The following ADAMTS7 variants were observed in gnomAD, a reference collection of about 807,000 sequenced individuals.
ADAMTS7 encodes the protein A disintegrin and metalloproteinase with thrombospondin motifs 7.
Under a neutral mutation model 172.6 loss-of-function variants are expected in ADAMTS7, and 89 were observed. The ratio of observed to expected loss-of-function variants is 0.52; its 90% CI spans 0.43 to 0.61. ADAMTS7 has a LOEUF of 0.61. Ranked by LOEUF, ADAMTS7 falls within the 20% of genes least tolerant of loss-of-function variation. The pLI is 0.00. For missense variants in ADAMTS7, 1,973 were observed against 2,355.6 expected, an observed-to-expected ratio of 0.84 and a Z score of 3.36; for synonymous variants, 885 against 978.4, an observed-to-expected ratio of 0.90 and a Z score of 1.78.
intron 1 of ADAMTS7, among the ~76,000 whole-genome samples, chr15:78,804,820 A>T (rs1050888023): frequency 3.2e-4 from 49 of 152,314 alleles, no homozygotes; most frequent in Non-Finnish European, 1.5e-4. Context: ...CAGACCTCAC[A>T]GATGAATTTC....
At chr15:78,761,803 A>G in intron 23 of ADAMTS7, 1 of 982,600 alleles carries the variant, frequency 1.0e-6, no homozygotes, top group South Asian at 4.7e-5. Context: ...GGGTGTCCAG[A>G]ACCACCTCTA....
At position 78,777,503 on chromosome 15, in the gene ADAMTS7, C is replaced by A; in HGVS notation, c.1408G>T (p.Val470Leu). The A allele has an allele frequency of 6.2e-7, 1 of 1,612,552 alleles. No homozygotes were observed. Among genetic ancestry groups the A allele is most frequent in the Non-Finnish European group, 8.5e-7 (1 of 1,179,426 alleles). ...TACTGGAGGCGGCACTGGTGGCTTA[C>A]ATCATAGAGGACGCCAGGTGGCACC... ...PSVPPGVLYDVSHQCRLQYGA... is the reference protein window; with the variant it reads ...PSVPPGVLYDLSHQCRLQYGA... The change falls in exon 9 of 24, where the codon GTA becomes TTA. Residue 470 changes from valine to leucine, a missense_variant. By Grantham distance (32) the Val-to-Leu change is conservative (BLOSUM62 1). This residue lies in a region of ADAMTS7 where 526 missense variants were observed against 662.9 expected (regional missense o/e 0.79). Transcript: ENST00000388820.
intron 22 of ADAMTS7, 87 bp downstream of exon 22, chr15:78,763,612 C>G: frequency 6.9e-7 from 1 of 1,446,240 alleles, no homozygotes; most frequent in Non-Finnish European, 9.1e-7. Flanking sequence ...GCTCACAGCA[C>G]ACACTCCACA....
intron 1 of ADAMTS7, among the ~76,000 whole-genome samples, chr15:78,804,008 A>C (rs1350616074): frequency 6.6e-6 from 1 of 152,126 alleles, no homozygotes; most frequent in Non-Finnish European, 1.5e-5. Context: ...TGTGGACCCC[A>C]GGTTAGGACA....
chr15:78,766,716 G>A lies in ADAMTS7; in HGVS notation c.3195C>T (p.Tyr1065=), dbSNP rs530479889. 85 of 1,610,842 alleles carry A rather than the reference G, an allele frequency of 5.3e-5. No homozygotes were observed. Among genetic ancestry groups the A allele is most frequent in the South Asian group, 4.9e-4 (45 of 90,994 alleles). ...CGTGGAAATTGATGAAATTGTAGTCGTAGTAGAAGTCGTCCACAAACACGG... is the reference window on the plus strand; with the variant it reads ...CGTGGAAATTGATGAAATTGTAGTCATAGTAGAAGTCGTCCACAAACACGG... ...PGPVFVDDFY[Y]DYNFINFHED... Residue 1065 remains tyrosine, a synonymous_variant, in exon 19 of 24, where the codon TAC becomes TAT. Transcript: ENST00000388820.
intron 23 of ADAMTS7, among the ~76,000 whole-genome samples, chr15:78,761,413 C>G (rs559272269): frequency 6.6e-5 from 10 of 152,314 alleles, no homozygotes; most frequent in African/African-American, 2.2e-4. Flanking sequence ...CTTAGACTGG[C>G]AGGGTCAGCC....
At chr15:78,780,637 G>A (rs1188731541) in intron 8 of ADAMTS7, among the ~76,000 whole-genome samples, 2 of 151,898 alleles carry the variant, frequency 1.3e-5, no homozygotes, top group Non-Finnish European at 2.9e-5. Context: ...AGTTCTTCAG[G>A]TCAACCCTCT....
intron 8 of ADAMTS7, among the ~76,000 whole-genome samples, chr15:78,779,580 T>G (rs1431686958): frequency 1.3e-5 from 2 of 152,164 alleles, no homozygotes; most frequent in South Asian, 2.1e-4. Flanking sequence ...CAAGTGCTCC[T>G]GCGGCTTGGG....
rs202225389 is a variant in ADAMTS7, at chr15:78,789,651, C to T, written c.1178+38G>A. 7 of 1,610,030 alleles carry T rather than the reference C, an allele frequency of 4.3e-6. No individual in the cohort carries two copies. The Admixed American group carries it at 1.0e-4, about 23-fold the overall frequency. ...GTGCCCCCAGGCTGCGAGGGTGAAG[C>T]TCGGCTCTCAGTGTAGCAATGGGGG... On this transcript the variant is annotated intron_variant, in intron 7 of 23. Coordinates refer to ENST00000388820, the MANE Select transcript of ADAMTS7 (RefSeq NM_014272.5).
At chr15:78,762,613 A>T (rs1334766308) in intron 22 of ADAMTS7, 48 bp from the exon 23 acceptor site, 2 of 1,227,532 alleles carry the variant, frequency 1.6e-6, no homozygotes, top group South Asian at 3.6e-5. Flanking sequence ...CAGCCCTAGC[A>T]GTGGGGGCAG....
Position 78,782,423 on chromosome 15 carries a change from C to T in ADAMTS7, c.1323-4835G>A, listed in dbSNP as rs545437025. ...CCCTCTTCCACTGGAGGCCAGCATC[C>T]TTGCTCTTACATCCCTAATGGACCT... On this transcript the variant is annotated intron_variant, in intron 8 of 23. Coordinates refer to ENST00000388820, the MANE Select transcript of ADAMTS7 (RefSeq NM_014272.5). 5.9e-5 allele frequency among the ~76,000 whole-genome samples: 8 copies of T among 134,718 alleles called. No homozygotes were observed. The South Asian group carries it at 1.5e-3, about 26-fold the overall frequency. 88.4% of individuals were successfully genotyped at this position (134,718 alleles called of 152,430 possible).
chr15:78,778,362 C>T lies in ADAMTS7; in HGVS notation c.1323-774G>A, dbSNP rs144761408. On this transcript the variant is annotated intron_variant, in intron 8 of 23. Coordinates refer to ENST00000388820, the MANE Select transcript of ADAMTS7 (RefSeq NM_014272.5). ...GGGCGGCCCAGTCCCTTCTGGCACC[C>T]GCTTCTGCCCCTGCCTCACTCTGTA... Among the ~76,000 whole-genome samples, 249 of 152,322 alleles carry T rather than the reference C, an allele frequency of 1.6e-3. 3 individuals carry two copies. Among genetic ancestry groups the T allele is most frequent in the South Asian group, 0.015 (70 of 4,824 alleles).
chr15:78,759,721 G>GTC, intron 23 of ADAMTS7, 143 bp from the exon 24 acceptor site: 1 of 1,094,860 alleles, frequency 9.1e-7, no homozygotes, highest in South Asian at 1.8e-5. Flanking sequence ...TCCCGAACCG[G>GTC]AGTTGCAGGT....
intron 16 of ADAMTS7, chr15:78,770,929 G>A (rs981685269): frequency 1.0e-5 from 6 of 578,308 alleles, no homozygotes; most frequent in African/African-American, 7.5e-5. Context: ...AAGAGCTGGA[G>A]CACACTGAAC....
chr15:78,810,968 T>C, intron 1 of ADAMTS7, 153 bp downstream of exon 1: 1 of 839,548 alleles, frequency 1.2e-6, no homozygotes, highest in East Asian at 3.5e-5. Flanking sequence ...CCCCGACTAC[T>C]GTCCCCTAAT....
intron 2 of ADAMTS7, among the ~76,000 whole-genome samples, chr15:78,798,446 C>G (rs2055675453): frequency 6.6e-6 from 1 of 152,238 alleles, no homozygotes; most frequent in Non-Finnish European, 1.5e-5. Flanking sequence ...TAGTCCCAGA[C>G]AGCCATCCTG....
intron 23 of ADAMTS7, among the ~76,000 whole-genome samples, chr15:78,761,602 G>A (rs1224861677): frequency 6.6e-6 from 1 of 152,234 alleles, no homozygotes; most frequent in African/African-American, 2.4e-5. Context: ...AAGGCCCTGA[G>A]AGGGAAATGG....
In ADAMTS7 at chr15:78,766,969, T is replaced by C; in HGVS notation, c.2942A>G (p.Gln981Arg). Residue 981 changes from glutamine to arginine, a missense_variant, in exon 19 of 24, where the codon CAG (glutamine) becomes CGG (arginine). Transcript: ENST00000388820. ...GCAGGTGACTTCGCTGGCTGGCTGC[T>C]GGGCCTCGTCACAGGGGACACCGGT... The part of the protein sequence containing the change: ...NDTGVPCDEA[Q>R]QPASEVTCSL... The C allele has an allele frequency of 6.2e-7, 1 of 1,610,264 alleles. No homozygotes were observed. The highest frequency in any genetic ancestry group is 8.5e-7 in the Non-Finnish European group (1 of 1,179,022).
intron 8 of ADAMTS7, among the ~76,000 whole-genome samples, chr15:78,785,481 A>G (rs1258397140): frequency 6.6e-6 from 1 of 151,354 alleles, no homozygotes; most frequent in Non-Finnish European, 1.5e-5. Context: ...CCCAGGAGGC[A>G]GAGGCTGCAG....
Sources: gnomAD v4.1 joint callset for allele counts (sites outside exome capture counted in the v4.1 genomes callset) on GRCh38, gnomAD v4.1.1 for gene constraint, gnomAD v4.1.1 regional missense constraint, MANE v1.5 for transcripts, NCBI Gene and HGNC (gene_info 2026-07-23, HGNC 2026-07-21) for gene names.